Variants in FAM3C observed in about 807,000 individuals in gnomAD.
The protein encoded by FAM3C is FAM3 metabolism regulating signaling molecule C.
A neutral mutation model predicts 32.5 loss-of-function variants in FAM3C; 15 were observed. The observed-to-expected ratio is 0.46, with a 90% CI of 0.31 to 0.71. The LOEUF is 0.71. Ranked by LOEUF, FAM3C falls within the 30% of genes least tolerant of loss-of-function variation. FAM3C has a pLI of 0.05. For synonymous variants in FAM3C, 75 were observed against 86.1 expected, an observed-to-expected ratio of 0.87 and a Z score of 0.72; for missense variants, 175 against 274.4, an observed-to-expected ratio of 0.64 and a Z score of 2.56.
chr7:121,364,749 T>C (rs11771477), intron 5 of FAM3C, among the ~76,000 whole-genome samples: 24,998 of 152,130 alleles, frequency 0.16, 2,168 homozygotes, highest in South Asian at 0.21. Flanking sequence ...GACAGTCACT[T>C]ACGTGGTGAC....
chr7:121,378,566 C>T (rs1416923808), intron 3 of FAM3C, among the ~76,000 whole-genome samples: 1 of 152,104 alleles, frequency 6.6e-6, no homozygotes, highest in Admixed American at 6.5e-5. Context: ...CTAGATTTGG[C>T]TTCAAGTTTT....
intron 5 of FAM3C, 55 bp from the exon 6 acceptor site, chr7:121,364,243 T>G: frequency 8.6e-7 from 1 of 1,167,534 alleles, no homozygotes. Flanking sequence ...CAATAACATA[T>G]CAGAAAAATA....
At chr7:121,379,721 C>T (rs1289816620) in intron 2 of FAM3C, among the ~76,000 whole-genome samples, 2 of 152,148 alleles carry the variant, frequency 1.3e-5, no homozygotes, top group Non-Finnish European at 2.9e-5. Context: ...TTCTCACAGC[C>T]TACTCATTTC....
intron 1 of FAM3C, among the ~76,000 whole-genome samples, chr7:121,392,639 A>C (rs1794600659): frequency 6.6e-6 from 1 of 152,206 alleles, no homozygotes; most frequent in African/African-American, 2.4e-5. Flanking sequence ...ACAATCACTT[A>C]ACTGCAAGTA....
intron 1 of FAM3C, 31 bp from the exon 2 acceptor site, chr7:121,383,041 T>C: frequency 8.2e-7 from 1 of 1,219,294 alleles, no homozygotes; most frequent in Non-Finnish European, 1.2e-6. Context: ...GCAAATATCA[T>C]TAGCTCTAGA....
intron 5 of FAM3C, among the ~76,000 whole-genome samples, chr7:121,368,972 GTTTTTTTTTTTT>G (rs563834740): frequency 2.1e-5 from 2 of 96,200 alleles, no homozygotes; most frequent in African/African-American, 3.9e-5. Context: ...TGTTGTTGTT[GTTTTTTTTTTTT>G]TTTTTTTTTG....
At chr7:121,357,149 T>G (rs545317318) in intron 8 of FAM3C, among the ~76,000 whole-genome samples, 11 of 152,266 alleles carry the variant, frequency 7.2e-5, no homozygotes, top group Non-Finnish European at 1.6e-4. Flanking sequence ...TCAGTCCTAG[T>G]CAATCTGCTG....
chr7:121,394,584 C>T (rs1281163250), intron 1 of FAM3C, among the ~76,000 whole-genome samples: 1 of 152,198 alleles, frequency 6.6e-6, no homozygotes, highest in African/African-American at 2.4e-5. Flanking sequence ...GGACTGAACT[C>T]CTTTTATTGG....
At chr7:121,374,351 C>G (rs566114765) in intron 3 of FAM3C, among the ~76,000 whole-genome samples, 1 of 152,276 alleles carries the variant, frequency 6.6e-6, no homozygotes, top group Admixed American at 6.5e-5. Flanking sequence ...ATTTCAACTA[C>G]TAATTGTAGG....
intron 1 of FAM3C, among the ~76,000 whole-genome samples, chr7:121,385,993 A>G (rs1352920394): frequency 1.3e-5 from 2 of 152,108 alleles, no homozygotes; most frequent in Non-Finnish European, 2.9e-5. Flanking sequence ...TTTTCACTCC[A>G]GCTGTTCACT....
At chr7:121,359,132 A>C (rs1431509628) in intron 8 of FAM3C, among the ~76,000 whole-genome samples, 1 of 151,908 alleles carries the variant, frequency 6.6e-6, no homozygotes, top group East Asian at 1.9e-4. Flanking sequence ...ATTGGTAAAA[A>C]AATTTTTAAA....
chr7:121,358,439 G>GA (rs1291380124), intron 8 of FAM3C, among the ~76,000 whole-genome samples: 2 of 151,824 alleles, frequency 1.3e-5, no homozygotes, highest in African/African-American at 4.8e-5. Context: ...AAAAGTCAGA[G>GA]AAAAAATTAT....
chr7:121,360,381 T>C (rs921220342), intron 7 of FAM3C, among the ~76,000 whole-genome samples: 1 of 152,174 alleles, frequency 6.6e-6, no homozygotes, highest in Non-Finnish European at 1.5e-5. Context: ...TTCCTGGGGC[T>C]AAGTGAAAAA....
intron 1 of FAM3C, among the ~76,000 whole-genome samples, chr7:121,395,212 GA>G (rs1794660241): frequency 6.7e-6 from 1 of 149,516 alleles, no homozygotes; most frequent in South Asian, 2.1e-4. Flanking sequence ...CATATATACG[GA>G]TACATACATA....
intron 7 of FAM3C, 43 bp from the exon 8 acceptor site, chr7:121,360,170 A>G (rs745515800): frequency 3.1e-6 from 3 of 976,188 alleles, no homozygotes; most frequent in South Asian, 2.6e-5. Context: ...AAATGACTGA[A>G]TAAGCATCAC....
intron 1 of FAM3C, among the ~76,000 whole-genome samples, chr7:121,394,446 A>C (rs888923630): frequency 2.0e-5 from 3 of 152,208 alleles, no homozygotes; most frequent in African/African-American, 7.2e-5. Context: ...TTAAGCCAGT[A>C]GTGTCTTATT....
chr7:121,377,248 C>G (rs763431034), intron 3 of FAM3C, among the ~76,000 whole-genome samples: 16 of 152,060 alleles, frequency 1.1e-4, no homozygotes, highest in Non-Finnish European at 2.2e-4. Flanking sequence ...TTTCCTGAGG[C>G]CTCCCCAGCC....
At chr7:121,378,505 T>G (rs1794284448) in intron 3 of FAM3C, among the ~76,000 whole-genome samples, 1 of 152,144 alleles carries the variant, frequency 6.6e-6, no homozygotes, top group Admixed American at 6.5e-5. Flanking sequence ...TTTCTATGGC[T>G]GGTATCTAAA....
chr7:121,362,078 G>A lies in FAM3C; in HGVS notation c.382+819C>T, dbSNP rs150877634. Among the ~76,000 whole-genome samples, 124 of 152,236 alleles carry A rather than the reference G, an allele frequency of 8.1e-4. 2 individuals carry two copies. The highest frequency in any genetic ancestry group is 2.9e-3 in the African/African-American group (120 of 41,540). On this transcript the variant is annotated intron_variant, in intron 7 of 9. Transcript: ENST00000359943. ...AAGCCTAATAGCTGTTGGCTTCTAG[G>A]GAATATATAAATGGAATGGGGAGGT...
Sources: allele counts gnomAD v4.1 joint callset (sites outside exome capture counted in the v4.1 genomes callset), GRCh38; gene constraint gnomAD v4.1.1; transcripts MANE v1.5; gene names NCBI Gene and HGNC (gene_info 2026-07-23, HGNC 2026-07-21).